Variants in DLC1 observed in about 807,000 individuals in gnomAD.
DLC1 encodes rho GTPase-activating protein 7.
DLC1 carries 54 observed loss-of-function variants against 140.3 expected under a neutral mutation model. The ratio of observed to expected loss-of-function variants is 0.38; its 90% CI spans 0.31 to 0.48. The LOEUF is 0.48. Among genes scored for constraint, DLC1 ranks in the 20% least tolerant of loss-of-function variants. The pLI is 0.96. For missense variants in DLC1, 2,536 were observed against 1,907.0 expected (o/e 1.33, Z -6.14); for synonymous variants, 986 against 728.1 (o/e 1.35, Z -5.70).
chr8:13,438,658 C>T (rs776861983), intron 2 of DLC1, among the ~76,000 whole-genome samples: 1 of 152,132 alleles, frequency 6.6e-6, no homozygotes, highest in East Asian at 1.9e-4. Flanking sequence ...CACATTGAGT[C>T]CTTCTGCCGA....
intron 5 of DLC1, among the ~76,000 whole-genome samples, chr8:13,174,982 G>C (rs1002732194): frequency 6.6e-6 from 1 of 152,048 alleles, no homozygotes; most frequent in East Asian, 2.0e-4. Flanking sequence ...TTTCTTCTAG[G>C]ATTTTTATAG....
At chr8:13,596,964 T>TAC in intron 1 of DLC1, among the ~76,000 whole-genome samples, 1 of 151,994 alleles carries the variant, frequency 6.6e-6, no homozygotes, top group South Asian at 2.1e-4. Context: ...GTGATGCAGA[T>TAC]ACACTCTTTT....
chr8:13,588,648 A>G (rs1805412860), intron 1 of DLC1, among the ~76,000 whole-genome samples: 1 of 152,116 alleles, frequency 6.6e-6, no homozygotes, highest in Non-Finnish European at 1.5e-5. Context: ...TCAAATAAAA[A>G]TCTTGGTACA....
intron 4 of DLC1, among the ~76,000 whole-genome samples, chr8:13,378,726 G>C (rs907092725): frequency 5.0e-4 from 76 of 152,096 alleles, no homozygotes; most frequent in African/African-American, 1.8e-3. Context: ...AAGATGAACA[G>C]AACTTCCGTT....
chr8:13,546,208 A>G (rs1803643239), intron 1 of DLC1, among the ~76,000 whole-genome samples: 1 of 152,146 alleles, frequency 6.6e-6, no homozygotes, highest in Non-Finnish European at 1.5e-5. Flanking sequence ...AGCAATAATC[A>G]CAGACCACTA....
intron 4 of DLC1, among the ~76,000 whole-genome samples, chr8:13,345,491 A>G (rs1386605381): frequency 6.7e-6 from 1 of 149,568 alleles, no homozygotes; most frequent in Non-Finnish European, 1.5e-5. Flanking sequence ...GATCTCTTGG[A>G]AGAGATACTG....
intron 4 of DLC1, among the ~76,000 whole-genome samples, chr8:13,373,217 A>G (rs1007910426): frequency 1.2e-4 from 18 of 152,170 alleles, no homozygotes; most frequent in Non-Finnish European, 2.2e-4. Context: ...TGACTGAATT[A>G]TGAATCTTTT....
chr8:13,365,372 C>A (rs1289745794), intron 4 of DLC1, among the ~76,000 whole-genome samples: 1 of 152,154 alleles, frequency 6.6e-6, no homozygotes, highest in African/African-American at 2.4e-5. Context: ...GACTGCACAG[C>A]TCCCCTCCCT....
intron 4 of DLC1, among the ~76,000 whole-genome samples, chr8:13,367,951 A>T (rs1360232855): frequency 1.3e-5 from 2 of 152,160 alleles, no homozygotes; most frequent in African/African-American, 4.8e-5. Flanking sequence ...TTCAAATCCC[A>T]ATTATGACCA....
intron 4 of DLC1, among the ~76,000 whole-genome samples, chr8:13,327,751 A>G (rs184279466): frequency 1.7e-4 from 26 of 152,362 alleles, no homozygotes; most frequent in African/African-American, 6.3e-4. Context: ...AAAGGTAGAC[A>G]TTGTCTCTGG....
chr8:13,387,739 C>T (rs908545393), intron 4 of DLC1, among the ~76,000 whole-genome samples: 3 of 152,080 alleles, frequency 2.0e-5, no homozygotes, highest in African/African-American at 4.8e-5. Context: ...TCAGTTTTCA[C>T]ATATACCTAA....
chr8:13,090,351 G>T lies in DLC1; in HGVS notation c.3975C>A (p.Leu1325=). 1.2e-6 allele frequency: 2 copies of T among 1,614,188 alleles called. No individual in the cohort carries two copies. Among genetic ancestry groups the T allele is most frequent in the East Asian group, 2.2e-5 (1 of 44,882 alleles). Reference sequence around the variant, plus strand: ...TAAACAGGCCATCCACACAGTCCTGGAGGAAGTGTTGGTAGTCAGCTGAGT... The same window carrying T: ...TAAACAGGCCATCCACACAGTCCTGTAGGAAGTGTTGGTAGTCAGCTGAGT... ...NDDSADYQHF[L]QDCVDGLFKE... Residue 1325 remains leucine, a synonymous_variant, in exon 15 of 18, where the codon CTC becomes CTA. Transcript: ENST00000276297.
intron 16 of DLC1, among the ~76,000 whole-genome samples, chr8:13,087,017 T>C (rs992354732): frequency 6.6e-6 from 1 of 152,094 alleles, no homozygotes; most frequent in African/African-American, 2.4e-5. Context: ...TAAATAAATA[T>C]AAAAATAAAA....
chr8:13,330,275 G>A (rs1833531626), intron 4 of DLC1, among the ~76,000 whole-genome samples: 1 of 152,120 alleles, frequency 6.6e-6, no homozygotes, highest in Non-Finnish European at 1.5e-5. Context: ...TTAAAAATAA[G>A]ACCGATTTTT....
At chr8:13,111,909 C>A (rs1820143826) in intron 6 of DLC1, among the ~76,000 whole-genome samples, 1 of 151,782 alleles carries the variant, frequency 6.6e-6, no homozygotes, top group Non-Finnish European at 1.5e-5. Context: ...TTTGGGAGGC[C>A]CCAAGGACAG....
At chr8:13,568,880 G>C (rs1013913177) in intron 1 of DLC1, among the ~76,000 whole-genome samples, 1 of 152,204 alleles carries the variant, frequency 6.6e-6, no homozygotes, top group Non-Finnish European at 1.5e-5. Context: ...AAAATAGATT[G>C]AGGAAAAATG....
In DLC1 at chr8:13,099,931, T is replaced by C. The variant is rs17854877; in HGVS notation, c.2406A>G (p.Pro802=). Residue 802 remains proline, a synonymous_variant, in exon 9 of 18, where the codon CCA becomes CCG. Transcript: ENST00000276297. ...CAGGGATGTAGAACACCGTGTCCTCTGGGTAGCTCTCGCGGTTCTTAAAGT... is the reference window on the plus strand; with the variant it reads ...CAGGGATGTAGAACACCGTGTCCTCCGGGTAGCTCTCGCGGTTCTTAAAGT... ...EQNFKNRESY[P]EDTVFYIPED... 5 of 1,613,914 alleles carry C rather than the reference T, an allele frequency of 3.1e-6. No homozygotes were observed. Among genetic ancestry groups the C allele is most frequent in the East Asian group, 2.2e-5 (1 of 44,876 alleles).
intron 5 of DLC1, among the ~76,000 whole-genome samples, chr8:13,291,761 C>T (rs1043389976): frequency 1.3e-5 from 2 of 152,136 alleles, no homozygotes; most frequent in African/African-American, 4.8e-5. Flanking sequence ...ACCAACCAAA[C>T]CAGACCAAGC....
rs1055740088 is a variant in DLC1 at position 13,153,294 on chromosome 8, C to T, written c.1349-37637G>A. Among the ~76,000 whole-genome samples the T allele has an allele frequency of 3.3e-5, 5 of 152,118 alleles. 1 individual carries two copies. Among genetic ancestry groups the T allele is most frequent in the East Asian group, 3.9e-4 (2 of 5,186 alleles). ...GAGTGTTACAGCCCTTAAGGTGGCG[C>T]GTCTGGAGTTGTTCTCTCCTCCCGG... On this transcript the variant is annotated intron_variant, in intron 5 of 17. Coordinates refer to ENST00000276297, the MANE Select transcript of DLC1 (RefSeq NM_182643.3).
Sources: allele counts gnomAD v4.1 joint callset (sites outside exome capture counted in the v4.1 genomes callset), GRCh38; gene constraint gnomAD v4.1.1; transcripts MANE v1.5; gene names NCBI Gene and HGNC (gene_info 2026-07-23, HGNC 2026-07-21).